ROBO2: variants seen among roughly 807,000 people sequenced by gnomAD.
The protein encoded by ROBO2 is roundabout guidance receptor 2, also known as roundabout homolog 2.
In ROBO2, 53 loss-of-function variants were observed where a neutral mutation model predicts 160.8. The ratio of observed to expected loss-of-function variants is 0.33; its 90% CI spans 0.26 to 0.41. The LOEUF (loss-of-function observed/expected upper bound fraction) is 0.41, where lower values mean the gene tolerates loss of function less well. ROBO2 is among the 10% of genes least tolerant of loss of function. The probability of loss-of-function intolerance (pLI) is 1.00; values close to 1 mark genes in which losing one functional copy is unlikely to be tolerated. For missense variants in ROBO2, 1,577 were observed against 1,722.4 expected (o/e 0.92, Z 1.49); for synonymous variants, 664 against 611.7 (o/e 1.09, Z -1.26).
At position 77,190,823 on chromosome 3, in the gene ROBO2, G is replaced by A. The variant is rs144399529; in HGVS notation, c.388+92483G>A. Among the ~76,000 whole-genome samples, 106 of 152,140 alleles carry A rather than the reference G, an allele frequency of 7.0e-4. 1 individual carries two copies. The highest frequency in any genetic ancestry group is 2.4e-3 in the African/African-American group (98 of 41,540). On this transcript the variant is annotated intron_variant, in intron 2 of 25. Transcript: ENST00000461745. ...TGATGACACTTTAAGGAACTTCTAA[G>A]ATGGTAGTAAATTTGTGTTCTTTAT...
At chr3:76,976,035 A>G (rs2149304513) in intron 2 of ROBO2, among the ~76,000 whole-genome samples, 1 of 152,300 alleles carries the variant, frequency 6.6e-6, no homozygotes, top group African/African-American at 2.4e-5. Context: ...AACTCTGAAA[A>G]TAAACTCAAT....
At chr3:76,286,894 T>C (rs554234282) in intron 2 of ROBO2, among the ~76,000 whole-genome samples, 158 of 152,268 alleles carry the variant, frequency 1.0e-3, no homozygotes, top group Non-Finnish European at 2.0e-3. Flanking sequence ...ACCAGGAATC[T>C]TGTGTTTCTC....
chr3:76,538,390 C>A (rs1291002325), intron 2 of ROBO2, among the ~76,000 whole-genome samples: 1 of 152,094 alleles, frequency 6.6e-6, no homozygotes, highest in East Asian at 1.9e-4. Flanking sequence ...TTGATCCAGA[C>A]TTATTTTTTC....
At chr3:77,123,892 C>G (rs879530865) in intron 2 of ROBO2, among the ~76,000 whole-genome samples, 1 of 147,956 alleles carries the variant, frequency 6.8e-6, no homozygotes, top group Non-Finnish European at 1.5e-5. Flanking sequence ...TATATAGATA[C>G]ACATATCTAT....
At chr3:77,144,508 G>T (rs759911190) in intron 2 of ROBO2, among the ~76,000 whole-genome samples, 1 of 152,076 alleles carries the variant, frequency 6.6e-6, no homozygotes, top group Non-Finnish European at 1.5e-5. Flanking sequence ...AATACATTTT[G>T]ATTTGTCTCA....
intron 2 of ROBO2, among the ~76,000 whole-genome samples, chr3:77,195,481 T>C (rs1421021976): frequency 6.6e-6 from 1 of 152,172 alleles, no homozygotes; most frequent in Non-Finnish European, 1.5e-5. Context: ...ACAGTAAAAT[T>C]GCAAATGAAA....
chr3:77,450,810 A>G (rs1464836882), intron 2 of ROBO2, among the ~76,000 whole-genome samples: 1 of 152,104 alleles, frequency 6.6e-6, no homozygotes, highest in Non-Finnish European at 1.5e-5. Flanking sequence ...GGTATTGTAT[A>G]TGCAGAATCG....
intron 2 of ROBO2, among the ~76,000 whole-genome samples, chr3:76,579,844 T>C (rs1219409172): frequency 6.7e-6 from 1 of 150,176 alleles, no homozygotes; most frequent in Admixed American, 6.6e-5. Flanking sequence ...TTCTCTAAGA[T>C]AGAAAATACC....
intron 2 of ROBO2, among the ~76,000 whole-genome samples, chr3:76,920,838 TTAG>T (rs2076608800): frequency 6.6e-6 from 1 of 152,226 alleles, no homozygotes; most frequent in Non-Finnish European, 1.5e-5. Flanking sequence ...ATTACAAAAG[TTAG>T]ACAAATTTAA....
intron 3 of ROBO2, among the ~76,000 whole-genome samples, chr3:77,479,462 G>A (rs946486705): frequency 6.6e-6 from 1 of 152,100 alleles, no homozygotes; most frequent in African/African-American, 2.4e-5. Flanking sequence ...AGAAACAAAG[G>A]AATGTCAGAG....
At chr3:77,355,233 C>CCACA (rs1186678017) in intron 2 of ROBO2, among the ~76,000 whole-genome samples, 5 of 152,218 alleles carry the variant, frequency 3.3e-5, no homozygotes, top group Non-Finnish European at 4.4e-5. Context: ...TTCTTCCCAT[C>CCACA]TGCATACCCT....
rs144739218 is a variant in ROBO2, at chr3:77,632,132, T to G, written c.3761-2738T>G. 4.2e-3 allele frequency: 695 copies of G among 164,302 alleles called. 10 individuals are homozygous for G. The highest frequency in any genetic ancestry group is 0.016 in the African/African-American group (674 of 42,168). 10.2% of individuals were successfully genotyped at this position (164,302 alleles called of 1,614,324 possible). On this transcript the variant is annotated intron_variant, in intron 23 of 25. Transcript: ENST00000461745. ...TTGATAAGTTTAAGTACACTAAGTT[T>G]GTTTTACTAAAAGTGTTAATTTCTG...
chr3:77,645,346 T>C (rs2153725193), intron 25 of ROBO2, among the ~76,000 whole-genome samples: 1 of 152,308 alleles, frequency 6.6e-6, no homozygotes, highest in Non-Finnish European at 1.5e-5. Context: ...GAGTTGATCT[T>C]TGATTGTTAA....
intron 2 of ROBO2, among the ~76,000 whole-genome samples, chr3:76,418,231 T>C (rs374045722): frequency 8.1e-6 from 1 of 123,906 alleles, no homozygotes; most frequent in African/African-American, 3.8e-5. Context: ...GCCAAACAAA[T>C]AGAGAGAGAG....
chr3:75,992,592 G>C (rs970167868), intron 2 of ROBO2, among the ~76,000 whole-genome samples: 4 of 152,202 alleles, frequency 2.6e-5, no homozygotes, highest in African/African-American at 9.6e-5. Flanking sequence ...GAAATGTGGA[G>C]TTGGAGCCCC....
intron 2 of ROBO2, among the ~76,000 whole-genome samples, chr3:76,222,741 G>C (rs1185387145): frequency 6.6e-6 from 1 of 151,520 alleles, no homozygotes; most frequent in Admixed American, 6.6e-5. Flanking sequence ...GTTTATGTTT[G>C]TTTCACCATT....
At chr3:76,513,577 G>C (rs74808346) in intron 2 of ROBO2, among the ~76,000 whole-genome samples, 2 of 152,084 alleles carry the variant, frequency 1.3e-5, no homozygotes, top group African/African-American at 4.8e-5. Flanking sequence ...GCTATTATGA[G>C]TATTTAAAAT....
chr3:76,849,436 A>C (rs2148523445), intron 2 of ROBO2, among the ~76,000 whole-genome samples: 1 of 152,296 alleles, frequency 6.6e-6, no homozygotes, highest in Non-Finnish European at 1.5e-5. Context: ...GAACACTATT[A>C]ATTTTGCAGC....
At chr3:76,040,918 G>C (rs899981671) in intron 2 of ROBO2, among the ~76,000 whole-genome samples, 2 of 151,996 alleles carry the variant, frequency 1.3e-5, no homozygotes, top group African/African-American at 2.4e-5. Context: ...TGAACTGGGA[G>C]GGGGAGGTTG....
Sources: allele counts gnomAD v4.1 joint callset (sites outside exome capture counted in the v4.1 genomes callset), GRCh38; gene constraint gnomAD v4.1.1; transcripts MANE v1.5; gene names NCBI Gene and HGNC (gene_info 2026-07-23, HGNC 2026-07-21).